The following SHISA9 variants were observed in gnomAD, a reference collection of about 807,000 sequenced individuals.
SHISA9 encodes the protein protein shisa-9.
A neutral mutation model predicts 38.0 loss-of-function variants in SHISA9; 13 were observed. The observed-to-expected ratio is 0.34, with a 90% confidence interval of 0.22 to 0.54. The LOEUF (loss-of-function observed/expected upper bound fraction) is 0.54. Among genes scored for constraint, SHISA9 ranks in the 20% least tolerant of loss-of-function variants. The pLI, the probability that SHISA9 is intolerant of heterozygous loss-of-function variation, is 0.91. For synonymous variants in SHISA9, 275 were observed against 242.0 expected (o/e 1.14, Z -1.27); for missense variants, 538 against 575.8 (o/e 0.93, Z 0.67).
the SHISA9 span, among the ~76,000 whole-genome samples, chr16:13,479,694 C>T: frequency 7.9e-4 from 120 of 152,082 alleles, no homozygotes; most frequent in Admixed American, 1.9e-3. Flanking sequence ...CATGAGGATG[C>T]GATTAATTGG....
At chr16:12,927,839 G>C (rs551514062) in intron 2 of SHISA9, among the ~76,000 whole-genome samples, 1 of 152,222 alleles carries the variant, frequency 6.6e-6, no homozygotes, top group South Asian at 2.1e-4. Flanking sequence ...AGCCAGAAAA[G>C]TCTATCTCAT....
At chr16:13,387,116 C>A in the SHISA9 span, among the ~76,000 whole-genome samples, 1 of 152,292 alleles carries the variant, frequency 6.6e-6, no homozygotes, top group Non-Finnish European at 1.5e-5. Flanking sequence ...TTATAAAATT[C>A]ATCCATTTCT....
the SHISA9 span, among the ~76,000 whole-genome samples, chr16:13,522,784 G>A: frequency 2.0e-5 from 3 of 152,094 alleles, no homozygotes; most frequent in Non-Finnish European, 4.4e-5. Context: ...TTAGGATTTA[G>A]GGCAGCTAGT....
chr16:12,912,465 C>T (rs192189652), intron 1 of SHISA9, among the ~76,000 whole-genome samples: 57 of 152,230 alleles, frequency 3.7e-4, no homozygotes, highest in African/African-American at 1.3e-3. Context: ...TGGGGGACTT[C>T]TTAGAAAATC....
In SHISA9 at chr16:12,916,787, G is replaced by A; in HGVS notation, c.663G>A (p.Met221Ile). Residue 221 changes from methionine to isoleucine, a missense_variant, in exon 2 of 5, where the codon ATG becomes ATA. By Grantham distance (10) the Met-to-Ile change is conservative. Around this residue, in one of 4 missense-constraint regions of SHISA9, gnomAD observed 326 missense variants for 305.9 expected, o/e 1.07. Coordinates refer to ENST00000558583, the MANE Select transcript of SHISA9 (RefSeq NM_001145204.3). ...TCCACGTCCAGCATTATGAGAACAT[G>A]GACACGAGAACCCCCATAAATAATC... The part of the protein sequence containing the change: ...IVVHVQHYEN[M>I]DTRTPINNLH... 2 of 1,551,840 alleles carry A rather than the reference G, an allele frequency of 1.3e-6. No homozygotes were observed. The highest frequency in any genetic ancestry group is 4.9e-5 in the East Asian group (2 of 40,920).
the SHISA9 span, among the ~76,000 whole-genome samples, chr16:13,480,671 A>G: frequency 6.6e-6 from 1 of 152,166 alleles, no homozygotes; most frequent in Non-Finnish European, 1.5e-5. Flanking sequence ...AGCAAACCCT[A>G]TCAGCCTCTC....
At chr16:13,261,785 A>G in the SHISA9 span, among the ~76,000 whole-genome samples, 1 of 152,186 alleles carries the variant, frequency 6.6e-6, no homozygotes, top group Non-Finnish European at 1.5e-5. Flanking sequence ...GCTGGTGATC[A>G]TGGTTTCATG....
chr16:13,334,601 C>T, the SHISA9 span, among the ~76,000 whole-genome samples: 1 of 151,772 alleles, frequency 6.6e-6, no homozygotes, highest in South Asian at 2.1e-4. Flanking sequence ...GGTGAAACCC[C>T]GTCTCTACTC....
the SHISA9 span, among the ~76,000 whole-genome samples, chr16:13,318,205 C>T: frequency 6.6e-6 from 1 of 152,120 alleles, no homozygotes; most frequent in African/African-American, 2.4e-5. Context: ...TTTATCAATT[C>T]TTTGTTGGGA....
At chr16:13,199,913 C>T (rs1169417202) in intron 2 of SHISA9, among the ~76,000 whole-genome samples, 3 of 152,196 alleles carry the variant, frequency 2.0e-5, no homozygotes, top group Non-Finnish European at 1.5e-5. Context: ...GCTCTTACAT[C>T]CCTGAGCGAG....
chr16:13,554,774 A>C, the SHISA9 span, among the ~76,000 whole-genome samples: 2 of 152,214 alleles, frequency 1.3e-5, no homozygotes, highest in Admixed American at 1.3e-4. Flanking sequence ...TGCCCAGTTC[A>C]TTTGTTTTCT....
At chr16:13,431,475 G>C in the SHISA9 span, among the ~76,000 whole-genome samples, 1 of 152,134 alleles carries the variant, frequency 6.6e-6, no homozygotes, top group African/African-American at 2.4e-5. Flanking sequence ...TTTTTATCAA[G>C]GCCTTATCAG....
the SHISA9 span, among the ~76,000 whole-genome samples, chr16:13,559,550 T>C: frequency 6.6e-6 from 1 of 151,930 alleles, no homozygotes; most frequent in African/African-American, 2.4e-5. Flanking sequence ...GCTAATTTTA[T>C]ATATATATTT....
rs146693702 is a variant in SHISA9, at chr16:13,108,148, T to C, written c.692-95246T>C. On this transcript the variant is annotated intron_variant, in intron 2 of 4. Coordinates refer to ENST00000558583, the MANE Select transcript of SHISA9 (RefSeq NM_001145204.3). ...CCCCTCCGGCCCCACCCTGCTTTTT[T>C]GAGACAGTCTTGCTTTGTCACCCAA... Among the ~76,000 whole-genome samples the C allele has an allele frequency of 4.3e-3, 655 of 151,454 alleles. 2 individuals are homozygous for C. The highest frequency in any genetic ancestry group is 0.015 in the African/African-American group (621 of 41,308).
chr16:13,359,327 T>TA, the SHISA9 span, among the ~76,000 whole-genome samples: 1 of 151,716 alleles, frequency 6.6e-6, no homozygotes, highest in East Asian at 1.9e-4. Context: ...CTAAAAATAC[T>TA]AAAAAAATAG....
chr16:13,476,809 C>T, the SHISA9 span, among the ~76,000 whole-genome samples: 2 of 125,476 alleles, frequency 1.6e-5, no homozygotes, highest in African/African-American at 6.2e-5. Context: ...AGTGCAGTGG[C>T]GTGATCTCGG....
intron 2 of SHISA9, among the ~76,000 whole-genome samples, chr16:13,103,679 C>A (rs1041912780): frequency 2.6e-5 from 4 of 152,248 alleles, no homozygotes; most frequent in Non-Finnish European, 5.9e-5. Flanking sequence ...AAGCTTTCCT[C>A]TCTTCTGTCT....
At chr16:13,028,165 G>T (rs1295418465) in intron 2 of SHISA9, among the ~76,000 whole-genome samples, 2 of 152,112 alleles carry the variant, frequency 1.3e-5, no homozygotes, top group East Asian at 3.9e-4. Flanking sequence ...TGTCAAAATT[G>T]ATCAAACTGT....
chr16:12,916,777 A>G lies in SHISA9; in HGVS notation c.653A>G (p.Tyr218Cys), dbSNP rs2071264450. The G allele has an allele frequency of 2.6e-6, 4 of 1,551,986 alleles. No individual in the cohort carries two copies. The highest frequency in any genetic ancestry group is 3.5e-6 in the Non-Finnish European group (4 of 1,147,038). ...AACATCGTTGTCCACGTCCAGCATTATGAGAACATGGACACGAGAACCCCC... is the reference window on the plus strand; with the variant it reads ...AACATCGTTGTCCACGTCCAGCATTGTGAGAACATGGACACGAGAACCCCC... ...DLNIVVHVQH[Y>C]ENMDTRTPIN... The change falls in exon 2 of 5, where the codon TAT becomes TGT. Residue 218 changes from tyrosine to cysteine, a missense_variant. Physicochemically the swap from Tyr to Cys is radical, Grantham distance 194. Around this residue, in one of 4 missense-constraint regions of SHISA9, gnomAD observed 326 missense variants for 305.9 expected, o/e 1.07. Transcript: ENST00000558583.
Sources: allele counts gnomAD v4.1 joint callset (sites outside exome capture counted in the v4.1 genomes callset), GRCh38; gene constraint gnomAD v4.1.1; regional missense constraint gnomAD v4.1.1; transcripts MANE v1.5; gene names NCBI Gene and HGNC (gene_info 2026-07-23, HGNC 2026-07-21).